CPA6: variants seen among roughly 807,000 people sequenced by gnomAD.
CPA6 encodes the protein carboxypeptidase A6.
CPA6 carries 58 observed loss-of-function variants against 63.3 expected under a neutral mutation model. That is an observed-to-expected ratio of 0.92 (90% confidence interval 0.74 to 1.14). CPA6 has a LOEUF of 1.14. Ranked by LOEUF, CPA6 falls within the 50% of genes most tolerant of loss-of-function variation. The pLI, the probability that CPA6 is intolerant of heterozygous loss-of-function variation, is 0.00. For missense variants in CPA6, 565 were observed against 526.6 expected (o/e 1.07, Z -0.71); for synonymous variants, 185 against 179.0 (o/e 1.03, Z -0.27).
rs191595088 is a variant in CPA6 at position 67,449,609 on chromosome 8, G to A, written c.839-15369C>T. ...TCCTATCCAAGGACAGTTTTATGCC[G>A]TTCCATTTGTTCAGATTCTTGATTG... On this transcript the variant is annotated intron_variant, in intron 8 of 10. Coordinates refer to ENST00000297770, the MANE Select transcript of CPA6 (RefSeq NM_020361.5). Among the ~76,000 whole-genome samples the A allele has an allele frequency of 1.3e-4, 20 of 152,142 alleles. 1 individual carries two copies. The highest frequency in any genetic ancestry group is 6.2e-4 in the South Asian group (3 of 4,806).
At chr8:67,537,810 T>G (rs1166371165) in intron 2 of CPA6, among the ~76,000 whole-genome samples, 1 of 152,246 alleles carries the variant, frequency 6.6e-6, no homozygotes, top group East Asian at 1.9e-4. Context: ...TCCCACTTTC[T>G]CTTATGGACA....
chr8:67,482,973 G>A (rs1811390721), intron 8 of CPA6, among the ~76,000 whole-genome samples: 1 of 152,154 alleles, frequency 6.6e-6, no homozygotes, highest in African/African-American at 2.4e-5. Flanking sequence ...ATCTCACATA[G>A]AACCTAACCC....
intron 8 of CPA6, among the ~76,000 whole-genome samples, chr8:67,458,021 A>G (rs1219763103): frequency 6.6e-6 from 1 of 152,216 alleles, no homozygotes; most frequent in Non-Finnish European, 1.5e-5. Flanking sequence ...CTTTTTTACA[A>G]ATGGTGCTGG....
At position 67,738,127 on chromosome 8, in the gene CPA6, G is replaced by A. The variant is rs181815568; in HGVS notation, c.116+7887C>T. Among the ~76,000 whole-genome samples, 763 of 152,284 alleles carry A rather than the reference G, an allele frequency of 5.0e-3. 6 individuals carry two copies. Among genetic ancestry groups the A allele is most frequent in the African/African-American group, 0.017 (723 of 41,560 alleles). On this transcript the variant is annotated intron_variant, in intron 1 of 10. Transcript: ENST00000297770. Reference sequence around the variant, plus strand: ...AAACAAGTGAAAGGGAGAATGGGCTGGTAGTCATTGGATATCAGAGTAACC... The same window carrying A: ...AAACAAGTGAAAGGGAGAATGGGCTAGTAGTCATTGGATATCAGAGTAACC...
chr8:67,736,859 A>C (rs2129003763), intron 1 of CPA6, among the ~76,000 whole-genome samples: 1 of 152,340 alleles, frequency 6.6e-6, no homozygotes, highest in East Asian at 1.9e-4. Flanking sequence ...CCTGATTCTG[A>C]GATTCAATTT....
intron 1 of CPA6, among the ~76,000 whole-genome samples, chr8:67,701,926 C>G (rs1401377341): frequency 6.6e-6 from 1 of 152,126 alleles, no homozygotes; most frequent in Non-Finnish European, 1.5e-5. Flanking sequence ...TCATTTCCAC[C>G]CAAGGACCCC....
At chr8:67,575,775 T>C (rs1477644686) in intron 2 of CPA6, among the ~76,000 whole-genome samples, 2 of 151,802 alleles carry the variant, frequency 1.3e-5, no homozygotes, top group African/African-American at 4.8e-5. Flanking sequence ...GGAGAATTGC[T>C]TGAATCCCAG....
intron 2 of CPA6, among the ~76,000 whole-genome samples, chr8:67,546,413 G>A (rs1218365909): frequency 6.6e-6 from 1 of 152,144 alleles, no homozygotes; most frequent in Non-Finnish European, 1.5e-5. Context: ...TGTCCCTCAA[G>A]GTTGGTTCAA....
At position 67,496,411 on chromosome 8, in the gene CPA6, C is replaced by T. The variant is rs78354412; in HGVS notation, c.636+10376G>A. Among the ~76,000 whole-genome samples the T allele has an allele frequency of 5.0e-4, 75 of 150,536 alleles. No homozygotes were observed. The East Asian group carries it at 0.014, about 29-fold the overall frequency. On this transcript the variant is annotated intron_variant, in intron 6 of 10. Coordinates refer to ENST00000297770, the MANE Select transcript of CPA6 (RefSeq NM_020361.5). ...TTAACCCTAATTTAAAAAATAACAGCTTTTTTGGGATATAATTCACACACC... is the reference window on the plus strand; with the variant it reads ...TTAACCCTAATTTAAAAAATAACAGTTTTTTTGGGATATAATTCACACACC...
intron 1 of CPA6, among the ~76,000 whole-genome samples, chr8:67,630,403 T>C (rs1307054044): frequency 1.3e-5 from 2 of 151,968 alleles, no homozygotes; most frequent in African/African-American, 4.8e-5. Flanking sequence ...GGGGAGAACA[T>C]GCCAACTCCT....
chr8:67,551,414 G>A (rs961533906), intron 2 of CPA6, among the ~76,000 whole-genome samples: 3 of 152,050 alleles, frequency 2.0e-5, no homozygotes, highest in Non-Finnish European at 4.4e-5. Context: ...TGCTGTTTTG[G>A]CCACAGTAGC....
At chr8:67,452,908 T>C (rs1810586061) in intron 8 of CPA6, among the ~76,000 whole-genome samples, 1 of 152,146 alleles carries the variant, frequency 6.6e-6, no homozygotes, top group South Asian at 2.1e-4. Flanking sequence ...CCTAAGCCAA[T>C]GTGGCTGGAG....
intron 2 of CPA6, among the ~76,000 whole-genome samples, chr8:67,549,607 G>A (rs982605084): frequency 6.6e-6 from 1 of 152,164 alleles, no homozygotes; most frequent in Admixed American, 6.5e-5. Flanking sequence ...TACAGTTGAA[G>A]ATCTGTACCT....
At chr8:67,561,849 C>T (rs186984849) in intron 2 of CPA6, among the ~76,000 whole-genome samples, 10 of 152,304 alleles carry the variant, frequency 6.6e-5, no homozygotes, top group African/African-American at 1.9e-4. Context: ...TTATACTACA[C>T]TTCCAAATTT....
intron 1 of CPA6, among the ~76,000 whole-genome samples, chr8:67,678,227 T>TCACACACACACA (rs1229557199): frequency 3.4e-4 from 43 of 127,632 alleles, no homozygotes; most frequent in South Asian, 1.3e-3. Flanking sequence ...AAACTCTGTC[T>TCACACACACACA]CACACACACA....
intron 6 of CPA6, among the ~76,000 whole-genome samples, chr8:67,504,502 G>A (rs1811890100): frequency 6.6e-6 from 1 of 152,164 alleles, no homozygotes; most frequent in Non-Finnish European, 1.5e-5. Context: ...TCTCTCACCT[G>A]CTTTGAGTGA....
At chr8:67,436,439 CA>C (rs112696880) in intron 8 of CPA6, among the ~76,000 whole-genome samples, 6 of 145,072 alleles carry the variant, frequency 4.1e-5, no homozygotes, top group Admixed American at 1.4e-4. Flanking sequence ...TGGCAACGAC[CA>C]AAAAAAAAGA....
intron 1 of CPA6, among the ~76,000 whole-genome samples, chr8:67,672,485 T>C (rs1587689994): frequency 6.6e-6 from 1 of 152,250 alleles, no homozygotes; most frequent in South Asian, 2.1e-4. Context: ...AGTCCTCCTG[T>C]CCTTCTCCTC....
chr8:67,516,122 A>ATT (rs1812140016), intron 3 of CPA6, among the ~76,000 whole-genome samples: 1 of 151,488 alleles, frequency 6.6e-6, no homozygotes, highest in African/African-American at 2.4e-5. Context: ...TCAGTGTCAC[A>ATT]CTCTCTCTTC....
Sources: gnomAD v4.1 joint callset for allele counts (sites outside exome capture counted in the v4.1 genomes callset) on GRCh38, gnomAD v4.1.1 for gene constraint, MANE v1.5 for transcripts, NCBI Gene and HGNC (gene_info 2026-07-23, HGNC 2026-07-21) for gene names.